The following STRN variants were observed in gnomAD, a reference collection of about 807,000 sequenced individuals.
STRN encodes the protein striatin.
Under a neutral mutation model 96.3 loss-of-function variants are expected in STRN, and 53 were observed. That is an observed-to-expected ratio of 0.55 (90% CI 0.44 to 0.69). The LOEUF is 0.69. Ranked by LOEUF, STRN falls within the 30% of genes least tolerant of loss-of-function variation. The probability of loss-of-function intolerance (pLI) is 0.00; values close to 1 mark genes in which losing one functional copy is unlikely to be tolerated. For missense variants in STRN, 987 were observed against 963.9 expected (o/e 1.02, Z -0.32); for synonymous variants, 428 against 355.9 (o/e 1.20, Z -2.28).
At position 36,855,368 on chromosome 2, in the gene STRN, T is replaced by C. The variant is rs1001031178; in HGVS notation, c.1838-16A>G. 2 of 1,610,076 alleles carry C rather than the reference T, an allele frequency of 1.2e-6. No individual in the cohort carries two copies. The highest frequency in any genetic ancestry group is 1.3e-5 in the African/African-American group (1 of 74,712). On this transcript the variant is annotated splice_polypyrimidine_tract_variant and intron_variant, in intron 14 of 17. Coordinates refer to ENST00000263918, the MANE Select transcript of STRN (RefSeq NM_003162.4). ...ATTCCCAGTTCTGAAAGAGAACATA[T>C]TGAAATAGAATGGCAATTAAACCAT...
intron 1 of STRN, among the ~76,000 whole-genome samples, chr2:36,944,726 T>C (rs1670935966): frequency 1.3e-5 from 2 of 152,150 alleles, no homozygotes. Context: ...AGACATTCCA[T>C]GCTCCTTAGA....
chr2:36,872,076 T>C (rs1668775678), intron 10 of STRN, among the ~76,000 whole-genome samples: 1 of 152,234 alleles, frequency 6.6e-6, no homozygotes, highest in Non-Finnish European at 1.5e-5. Context: ...AACGTCTTAA[T>C]GTGGTAGGCA....
chr2:36,964,183 G>GA (rs774289210), intron 1 of STRN, among the ~76,000 whole-genome samples: 2 of 132,686 alleles, frequency 1.5e-5, no homozygotes, highest in East Asian at 2.6e-4. Context: ...AACGGGGCGG[G>GA]GCGGGGGGAA....
Position 36,915,232 on chromosome 2 carries a change from AATATATATATATATATATATATATAT to A in STRN, c.412+820_412+845del, listed in dbSNP as rs72466696. On this transcript the variant is annotated intron_variant, in intron 3 of 17. Transcript: ENST00000263918. ...AAAGGAAATTTAAACTGAATACATA[AATATATATATATATATATATATATAT>A]ATATATATATATATAAAGCCTCTAG... Among the ~76,000 whole-genome samples the A allele has an allele frequency of 0.015, 1,292 of 86,520 alleles. 125 individuals carry two copies. In the East Asian group the frequency reaches 0.26, roughly 17 times the overall value. 56.8% of individuals were successfully genotyped at this position (86,520 alleles called of 152,430 possible).
chr2:36,958,526 T>C (rs1440192329), intron 1 of STRN, among the ~76,000 whole-genome samples: 1 of 152,186 alleles, frequency 6.6e-6, no homozygotes, highest in Non-Finnish European at 1.5e-5. Context: ...ATTCAGTGGA[T>C]GGTTTTAACA....
At chr2:36,941,295 G>C (rs1471712619) in intron 1 of STRN, among the ~76,000 whole-genome samples, 2 of 152,168 alleles carry the variant, frequency 1.3e-5, no homozygotes, top group Non-Finnish European at 2.9e-5. Flanking sequence ...TGCAAAAGGG[G>C]ACTATAAAGC....
chr2:36,930,359 G>GAGGT (rs1670539280), intron 1 of STRN, among the ~76,000 whole-genome samples: 1 of 151,802 alleles, frequency 6.6e-6, no homozygotes, highest in African/African-American at 2.4e-5. Context: ...TTGAACCTGG[G>GAGGT]AGGTGGAAGT....
At chr2:36,955,921 G>A (rs116059451) in intron 1 of STRN, among the ~76,000 whole-genome samples, 2 of 152,254 alleles carry the variant, frequency 1.3e-5, no homozygotes, top group East Asian at 1.9e-4. Flanking sequence ...CAGTTTAAAC[G>A]TAATTTTACT....
chr2:36,933,897 G>T (rs941188468), intron 1 of STRN, among the ~76,000 whole-genome samples: 14 of 152,186 alleles, frequency 9.2e-5, no homozygotes, highest in Admixed American at 2.0e-4. Flanking sequence ...ATCACCCGAG[G>T]TCAGGAGTTT....
At chr2:36,932,312 G>A (rs1307687878) in intron 1 of STRN, among the ~76,000 whole-genome samples, 3 of 151,878 alleles carry the variant, frequency 2.0e-5, no homozygotes, top group Non-Finnish European at 4.4e-5. Context: ...CCGCCACTGC[G>A]TCTGGCTAAT....
chr2:36,950,849 T>C (rs1257606053), intron 1 of STRN, among the ~76,000 whole-genome samples: 2 of 152,224 alleles, frequency 1.3e-5, no homozygotes, highest in Non-Finnish European at 2.9e-5. Flanking sequence ...AAGCTAAATC[T>C]AAATTTTTTG....
At chr2:36,948,617 T>C (rs1202876289) in intron 1 of STRN, among the ~76,000 whole-genome samples, 1 of 152,202 alleles carries the variant, frequency 6.6e-6, no homozygotes, top group Non-Finnish European at 1.5e-5. Context: ...GTCTGTGCTG[T>C]TGACTGCTAT....
intron 11 of STRN, among the ~76,000 whole-genome samples, chr2:36,868,145 G>C (rs1195727456): frequency 6.6e-6 from 1 of 152,152 alleles, no homozygotes; most frequent in Non-Finnish European, 1.5e-5. Flanking sequence ...CATGAGCTTT[G>C]AAGAGATAAA....
chr2:36,862,491 G>GTAA (rs755341769), intron 12 of STRN, among the ~76,000 whole-genome samples: 1 of 152,126 alleles, frequency 6.6e-6, no homozygotes, highest in Non-Finnish European at 1.5e-5. Context: ...TTGCATTTCT[G>GTAA]TAATAATAAG....
intron 16 of STRN, among the ~76,000 whole-genome samples, chr2:36,850,118 A>G (rs954674709): frequency 4.6e-5 from 7 of 152,238 alleles, no homozygotes; most frequent in African/African-American, 1.7e-4. Flanking sequence ...CCTACTTTGC[A>G]TTCTTTAGCT....
intron 1 of STRN, among the ~76,000 whole-genome samples, chr2:36,927,639 C>A (rs1248719494): frequency 6.6e-6 from 1 of 150,964 alleles, no homozygotes; most frequent in Non-Finnish European, 1.5e-5. Flanking sequence ...ACCATCCTGG[C>A]CAACATACCA....
At chr2:36,902,239 T>C (rs2148199647) in intron 5 of STRN, among the ~76,000 whole-genome samples, 1 of 152,328 alleles carries the variant, frequency 6.6e-6, no homozygotes, top group South Asian at 2.1e-4. Flanking sequence ...ATTTGAGGTA[T>C]TTTTACGACT....
At chr2:36,920,553 T>A (rs944597258) in intron 2 of STRN, among the ~76,000 whole-genome samples, 1 of 150,736 alleles carries the variant, frequency 6.6e-6, no homozygotes, top group African/African-American at 2.4e-5. Flanking sequence ...CAGGATAATC[T>A]CTTGAACTCG....
intron 1 of STRN, among the ~76,000 whole-genome samples, chr2:36,928,333 G>A (rs1325339834): frequency 6.6e-6 from 1 of 152,074 alleles, no homozygotes; most frequent in African/African-American, 2.4e-5. Flanking sequence ...AAGAAAAAAA[G>A]GGAAGGAAAA....
Sources: gnomAD v4.1 joint callset for allele counts (sites outside exome capture counted in the v4.1 genomes callset) on GRCh38, gnomAD v4.1.1 for gene constraint, MANE v1.5 for transcripts, NCBI Gene and HGNC (gene_info 2026-07-23, HGNC 2026-07-21) for gene names.